Variants in TNFAIP8 observed in about 807,000 individuals in gnomAD.
TNFAIP8 encodes the protein TNF alpha induced protein 8.
A neutral mutation model predicts 13.3 loss-of-function variants in TNFAIP8; 7 were observed. The observed-to-expected ratio is 0.52, with a 90% CI of 0.30 to 0.99. TNFAIP8 has a LOEUF of 0.99. Among genes scored for constraint, TNFAIP8 ranks in the 50% least tolerant of loss-of-function variants. The probability of loss-of-function intolerance (pLI) is 0.07; values close to 1 mark genes in which losing one functional copy is unlikely to be tolerated. For missense variants in TNFAIP8, 258 were observed against 236.9 expected (o/e 1.09, Z -0.58); for synonymous variants, 94 against 87.6 (o/e 1.07, Z -0.41).
chr5:119,366,818 C>G (rs183123272), intron 1 of TNFAIP8, among the ~76,000 whole-genome samples: 1 of 152,310 alleles, frequency 6.6e-6, no homozygotes, highest in South Asian at 2.1e-4. Flanking sequence ...TTGGCCATAG[C>G]TCTGACTTGG....
chr5:119,330,481 C>T (rs1180502508), intron 1 of TNFAIP8, among the ~76,000 whole-genome samples: 1 of 152,138 alleles, frequency 6.6e-6, no homozygotes, highest in Non-Finnish European at 1.5e-5. Context: ...ACTAGGCCAG[C>T]GAGAGCATGT....
At chr5:119,312,232 GT>G (rs746550761) in intron 1 of TNFAIP8, among the ~76,000 whole-genome samples, 6 of 152,292 alleles carry the variant, frequency 3.9e-5, no homozygotes, top group Non-Finnish European at 7.4e-5. Flanking sequence ...TTGAGCCAGA[GT>G]TTGGAAACAG....
chr5:119,307,674 G>A (rs982942049), intron 1 of TNFAIP8, among the ~76,000 whole-genome samples: 1 of 152,156 alleles, frequency 6.6e-6, no homozygotes, highest in East Asian at 1.9e-4. Context: ...TAATACTACA[G>A]TCTTTTCCCC....
chr5:119,300,162 T>C (rs1749340436), intron 1 of TNFAIP8, among the ~76,000 whole-genome samples: 1 of 152,172 alleles, frequency 6.6e-6, no homozygotes, highest in Admixed American at 6.5e-5. Flanking sequence ...ATGAACCTGG[T>C]ACCTCAGATG....
intron 1 of TNFAIP8, among the ~76,000 whole-genome samples, chr5:119,299,606 C>T (rs1013356983): frequency 6.6e-6 from 1 of 152,204 alleles, no homozygotes; most frequent in Non-Finnish European, 1.5e-5. Context: ...AGATCTCCAG[C>T]TGTGTGCTGG....
chr5:119,387,670 A>G (rs750971349), intron 1 of TNFAIP8, among the ~76,000 whole-genome samples: 8 of 152,204 alleles, frequency 5.3e-5, no homozygotes, highest in Non-Finnish European at 1.2e-4. Context: ...TATTTTAACC[A>G]TATTTATCTC....
chr5:119,313,977 C>T (rs186607684), intron 1 of TNFAIP8, among the ~76,000 whole-genome samples: 3 of 152,252 alleles, frequency 2.0e-5, no homozygotes, highest in Admixed American at 6.5e-5. Flanking sequence ...GTTAGTTTTC[C>T]TTGCTATAGA....
Position 119,396,599 on chromosome 5 carries a change from T to C in TNFAIP8, c.*3218T>C, listed in dbSNP as rs1370695785. 3 of 151,974 alleles carry C rather than the reference T, an allele frequency of 2.0e-5. No homozygotes were observed. Among genetic ancestry groups the C allele is most frequent in the Non-Finnish European group, 2.9e-5 (2 of 68,028 alleles). 9.4% of individuals were successfully genotyped at this position (151,974 alleles called of 1,614,324 possible). On this transcript the variant is annotated 3_prime_UTR_variant, in exon 2 of 2. Transcript: ENST00000504771. The stretch of plus-strand genomic sequence containing the variant: ...CATCAGTTTCAAACTTCAACATTAT[T>C]TTCCAGATTTGGAGGCTCAAAATAT...
At chr5:119,318,898 G>A (rs1267474473) in intron 1 of TNFAIP8, among the ~76,000 whole-genome samples, 1 of 152,152 alleles carries the variant, frequency 6.6e-6, no homozygotes, top group Non-Finnish European at 1.5e-5. Flanking sequence ...TTACGTGTTT[G>A]GGTCCCTTTC....
intron 1 of TNFAIP8, among the ~76,000 whole-genome samples, chr5:119,374,355 T>A (rs1752200339): frequency 6.6e-6 from 1 of 152,202 alleles, no homozygotes; most frequent in Non-Finnish European, 1.5e-5. Context: ...GGAGTTTGGA[T>A]TTTTAAATTT....
In TNFAIP8 at chr5:119,268,860, G is replaced by T. The variant is rs112198076; in HGVS notation, c.-47G>T. 4 of 702,470 alleles carry T rather than the reference G, an allele frequency of 5.7e-6. No homozygotes were observed. In the African/African-American group the frequency reaches 7.1e-5, roughly 13 times the overall value. 43.5% of individuals were successfully genotyped at this position (702,470 alleles called of 1,614,324 possible). ...GCAGAGAACTCGGCGCCGCCAAACA[G>T]CCCAGCTCGCGCTTCAGCGTCCCGG... is the stretch of plus-strand genomic sequence containing the variant. On this transcript the variant is annotated 5_prime_UTR_variant, in exon 1 of 2. Transcript: ENST00000274456.
chr5:119,390,210 A>G (rs1752840963), intron 1 of TNFAIP8, among the ~76,000 whole-genome samples: 1 of 152,196 alleles, frequency 6.6e-6, no homozygotes, highest in Non-Finnish European at 1.5e-5. Flanking sequence ...TTAAAAAAAA[A>G]CACAATAACA....
intron 1 of TNFAIP8, among the ~76,000 whole-genome samples, chr5:119,315,282 C>T (rs1051032697): frequency 6.6e-6 from 1 of 152,126 alleles, no homozygotes; most frequent in Non-Finnish European, 1.5e-5. Flanking sequence ...CAGGGTTTCA[C>T]CATGTTGGCC....
At chr5:119,374,608 G>C (rs1053503454) in intron 1 of TNFAIP8, among the ~76,000 whole-genome samples, 1 of 152,200 alleles carries the variant, frequency 6.6e-6, no homozygotes, top group Non-Finnish European at 1.5e-5. Context: ...GGAACAGAGG[G>C]CTGTAGCTCT....
intron 1 of TNFAIP8, among the ~76,000 whole-genome samples, chr5:119,273,037 T>C (rs1748335893): frequency 6.6e-6 from 1 of 152,232 alleles, no homozygotes; most frequent in Non-Finnish European, 1.5e-5. Context: ...TCCTTAAACA[T>C]TGGGAATAAA....
chr5:119,343,235 G>A (rs185375803), intron 1 of TNFAIP8, among the ~76,000 whole-genome samples: 188 of 152,330 alleles, frequency 1.2e-3, no homozygotes, highest in Non-Finnish European at 1.8e-3. Context: ...GTTTGCATTT[G>A]CTCGGCACTC....
chr5:119,346,748 T>A (rs921411255), intron 1 of TNFAIP8, among the ~76,000 whole-genome samples: 2 of 152,222 alleles, frequency 1.3e-5, no homozygotes, highest in African/African-American at 4.8e-5. Context: ...TGAGAAATGT[T>A]GTGTATTGCT....
intron 1 of TNFAIP8, among the ~76,000 whole-genome samples, chr5:119,338,188 A>ACG (rs1750619865): frequency 6.7e-6 from 1 of 148,956 alleles, no homozygotes; most frequent in East Asian, 1.9e-4. Context: ...ACACACACAC[A>ACG]CACACACACA....
At chr5:119,292,647 T>C (rs13172497) in intron 1 of TNFAIP8, among the ~76,000 whole-genome samples, 43 of 18,700 alleles carry the variant, frequency 2.3e-3, no homozygotes, top group African/African-American at 9.1e-3. Context: ...CAATGTAGCA[T>C]ATATATATAT....
Sources: gnomAD v4.1 joint callset for allele counts (sites outside exome capture counted in the v4.1 genomes callset) on GRCh38, gnomAD v4.1.1 for gene constraint, MANE v1.5 for transcripts, NCBI Gene and HGNC (gene_info 2026-07-23, HGNC 2026-07-21) for gene names.